The following MYH14 variants were observed in gnomAD, a reference collection of about 807,000 sequenced individuals.
The protein encoded by MYH14 is myosin heavy chain 14.
Under a neutral mutation model 255.5 loss-of-function variants are expected in MYH14, and 123 were observed. That is an observed-to-expected ratio of 0.48 (90% CI 0.42 to 0.56). The LOEUF is 0.56. Among genes scored for constraint, MYH14 ranks in the 20% least tolerant of loss-of-function variants. MYH14 has a pLI of 0.00. For synonymous variants in MYH14, 1,095 were observed against 1,161.2 expected (o/e 0.94, Z 1.16); for missense variants, 2,423 against 2,802.3 (o/e 0.86, Z 3.06).
chr19:50,211,400 C>T (rs2032188679), intron 2 of MYH14, among the ~76,000 whole-genome samples: 1 of 152,162 alleles, frequency 6.6e-6, no homozygotes, highest in South Asian at 2.1e-4. Flanking sequence ...TTAATTCATT[C>T]AATCTCACCA....
rs761025607 is a variant in MYH14, at chr19:50,286,623, G to A, written c.4681G>A (p.Glu1561Lys). The change falls in exon 34 of 43, where the codon GAG (glutamate) becomes AAG (lysine). Residue 1561 changes from glutamate to lysine, a missense_variant. Transcript: ENST00000642316. ...GGAGCAGGAGGCACGTGAGGAGCTG[G>A]AGCGGCAGAACCGGGCCCTGCGGGC... ...EEEQEAREEL[E>K]RQNRALRAEL... The A allele has an allele frequency of 1.4e-5, 23 of 1,600,098 alleles. No homozygotes were observed. The highest frequency in any genetic ancestry group is 2.3e-5 in the East Asian group (1 of 44,402).
Position 50,225,656 on chromosome 19 carries a change from G to T in MYH14, c.789G>T (p.Lys263Asn). ...CCTTTGGCAATGCCAAGACAGTGAAGAATGACAACTCCTCCCGATTCGTGA... is the reference window on the plus strand; with the variant it reads ...CCTTTGGCAATGCCAAGACAGTGAATAATGACAACTCCTCCCGATTCGTGA... ...LEAFGNAKTV[K>N]NDNSSRFGKF... The change falls in exon 7 of 43, where the codon AAG (lysine) becomes AAT (asparagine). Residue 263 changes from lysine (K) to asparagine (N), a missense_variant. Lys to Asn is a moderately conservative substitution (Grantham distance 94). This residue lies in a region of MYH14 where 672 missense variants were observed against 881.8 expected (regional missense o/e 0.76). Transcript: ENST00000642316. 2 of 1,613,918 alleles carry T rather than the reference G, an allele frequency of 1.2e-6. No individual in the cohort carries two copies. Among genetic ancestry groups the T allele is most frequent in the African/African-American group, 1.3e-5 (1 of 75,066 alleles).
In MYH14 at chr19:50,215,104, C is replaced by G. The variant is rs73060995; in HGVS notation, c.406-2511C>G. The stretch of plus-strand genomic sequence containing the variant: ...GGAGGGCTTCCCCAGCTGTCTCCCA[C>G]CCTGTGGGGGTGCACCAGCCTTTGT... On this transcript the variant is annotated intron_variant, in intron 2 of 42. Transcript: ENST00000642316. 7.0e-3 allele frequency among the ~76,000 whole-genome samples: 1,067 copies of G among 152,284 alleles called. 13 individuals carry two copies. Among genetic ancestry groups the G allele is most frequent in the Non-Finnish European group, 0.012 (802 of 68,010 alleles).
At position 50,276,365 on chromosome 19, in the gene MYH14, G is replaced by C. The variant is rs2035509130; in HGVS notation, c.3680+162G>C. 6.6e-6 allele frequency among the ~76,000 whole-genome samples: 1 copy of C among 152,172 alleles called. No individual in the cohort carries two copies. Among genetic ancestry groups the C allele is most frequent in the African/African-American group, 2.4e-5 (1 of 41,430 alleles). On this transcript the variant is annotated intron_variant, in intron 28 of 42. Transcript: ENST00000642316. The surrounding 1 kb of genome is among the most constrained non-coding windows in gnomAD (Gnocchi z 4.3). Reference sequence around the variant, plus strand: ...CCTGGGTCAAGCTGGGGACAGAGATGGGTCAGACCCAGGTGTTACCCTTGG... The same window carrying C: ...CCTGGGTCAAGCTGGGGACAGAGATCGGTCAGACCCAGGTGTTACCCTTGG...
chr19:50,298,438 C>T (rs889058792), intron 39 of MYH14, among the ~76,000 whole-genome samples: 1 of 151,930 alleles, frequency 6.6e-6, no homozygotes, highest in Admixed American at 6.6e-5. Context: ...AGTATATACG[C>T]AAAGCAATAT....
At position 50,275,914 on chromosome 19, in the gene MYH14, A is replaced by C. The variant is rs2035486346; in HGVS notation, c.3468-77A>C. 5 of 1,183,348 alleles carry C rather than the reference A, an allele frequency of 4.2e-6. No homozygotes were observed. In the Admixed American group the frequency reaches 8.8e-5, roughly 21 times the overall value. The allele number at this position is 1,183,348 out of a possible 1,614,324, so 73.3% of individuals were successfully genotyped here. Reference sequence around the variant, plus strand: ...CTGGCCACTCCCAAAGCCCACATCCAGCCTCTCAGTCCCCAGAAATCATTG... The same window carrying C: ...CTGGCCACTCCCAAAGCCCACATCCCGCCTCTCAGTCCCCAGAAATCATTG... On this transcript the variant is annotated intron_variant, in intron 27 of 42. Coordinates refer to ENST00000642316, the MANE Select transcript of MYH14 (RefSeq NM_001145809.2).
rs1329848646 is a variant in MYH14 at position 50,286,622 on chromosome 19, G to A, written c.4680G>A (p.Leu1560=). Residue 1560 remains leucine (L), a synonymous_variant, in exon 34 of 43, where the codon CTG becomes CTA. Coordinates refer to ENST00000642316, the MANE Select transcript of MYH14 (RefSeq NM_001145809.2). ...AGGAGCAGGAGGCACGTGAGGAGCT[G>A]GAGCGGCAGAACCGGGCCCTGCGGG... ...LEEEQEAREE[L]ERQNRALRAE... is the part of the protein sequence containing the mutation. 1.2e-6 allele frequency: 2 copies of A among 1,600,130 alleles called. No individual in the cohort carries two copies. The highest frequency in any genetic ancestry group is 2.3e-5 in the South Asian group (2 of 88,572).
chr19:50,250,785 C>T lies in MYH14; in HGVS notation c.1830+97C>T. 1 of 1,292,068 alleles carries T rather than the reference C, an allele frequency of 7.7e-7. No individual in the cohort carries two copies. 80.0% of individuals were successfully genotyped at this position (1,292,068 alleles called of 1,614,324 possible). A position where few individuals can be genotyped will look rare whatever the true frequency, so the allele number is the denominator to read the frequency against. On this transcript the variant is annotated intron_variant, in intron 15 of 42. Transcript: ENST00000642316. This position sits in a 1 kb window ranked among gnomAD's most constrained non-coding sequence, Gnocchi z 5.4. ...GGAGGGTGCAGAGGGAAAACAGGGT[C>T]CTCCTGAGGTCCAGACAAACAGAGC...
Position 50,281,607 on chromosome 19 carries a change from G to A in MYH14, c.4304G>A (p.Arg1435Gln), listed in dbSNP as rs776961595. ...TCCTCCCCTCAGCTTTCCGAGTGGC[G>A]GCGGCGCCAGGAGGAGGAGGCAGGG... ...QTAQAQLSEWRRRQEEEAGAL... is the reference protein window; with the variant it reads ...QTAQAQLSEWQRRQEEEAGAL... The change falls in exon 33 of 43, where the codon CGG becomes CAG. Residue 1435 changes from arginine (R) to glutamine (Q), a missense_variant. Arg to Gln is a conservative substitution (Grantham distance 43). Coordinates refer to ENST00000642316, the MANE Select transcript of MYH14 (RefSeq NM_001145809.2). 1.6e-5 allele frequency: 26 copies of A among 1,589,178 alleles called. No individual in the cohort carries two copies. The highest frequency in any genetic ancestry group is 2.1e-5 in the Non-Finnish European group (25 of 1,167,324).
chr19:50,224,032 T>TGGCCCCCC, intron 5 of MYH14, 122 bp from the exon 6 acceptor site: 1 of 610,326 alleles, frequency 1.6e-6, no homozygotes, highest in Non-Finnish European at 3.0e-6. Flanking sequence ...ATGCCCGGTT[T>TGGCCCCCC]CCCCAGTCCC....
In MYH14 at chr19:50,217,693, T is replaced by C; in HGVS notation, c.484T>C (p.Tyr162His). Residue 162 changes from tyrosine to histidine, a missense_variant, in exon 3 of 43, where the codon TAC becomes CAC. By Grantham distance (83) the Tyr-to-His change is moderately conservative (BLOSUM62 2). Around this residue, in one of 3 missense-constraint regions of MYH14, gnomAD observed 238 missense variants for 245.8 expected, o/e 0.97. Transcript: ENST00000642316. ...CTACACAGAAGCCATTGTGGAGATG[T>C]ACCGGGGCAAGAAGCGCCACGAGGT... ...PIYTEAIVEM[Y>H]RGKKRHEVPP... 6.2e-7 allele frequency: 1 copy of C among 1,613,952 alleles called. No homozygotes were observed. The highest frequency in any genetic ancestry group is 8.5e-7 in the Non-Finnish European group (1 of 1,179,888).
At chr19:50,278,812 TAA>T (rs10605117) in intron 30 of MYH14, among the ~76,000 whole-genome samples, 53,635 of 132,126 alleles carry the variant, frequency 0.41, 10,730 homozygotes, top group South Asian at 0.44. Flanking sequence ...CTGTCTCTAC[TAA>T]AAAAAAAAAA....
chr19:50,225,875 C>T (rs71355130), intron 7 of MYH14, among the ~76,000 whole-genome samples, 198 bp downstream of exon 7: 44 of 71,558 alleles, frequency 6.1e-4, no homozygotes, highest in South Asian at 1.2e-3. Flanking sequence ...GGCCTGGACT[C>T]TTGAGTCTGA....
At position 50,293,598 on chromosome 19, in the gene MYH14, G is replaced by A; in HGVS notation, c.5380G>A (p.Gly1794Arg). ...AILEEKRQLEGRLGQLEEELE... is the reference protein window; with the variant it reads ...AILEEKRQLERRLGQLEEELE... ...TCTGGAGGAGAAGCGTCAGCTGGAG[G>A]GGCGCCTGGGGCAGTTGGAGGAAGA... The change falls in exon 39 of 43, where the codon GGG becomes AGG. Residue 1794 changes from glycine (G) to arginine (R), a missense_variant. Gly to Arg is a moderately radical substitution (Grantham distance 125). Coordinates refer to ENST00000642316, the MANE Select transcript of MYH14 (RefSeq NM_001145809.2). The surrounding 1 kb of genome is among the most constrained non-coding windows in gnomAD (Gnocchi z 4.1). The A allele has an allele frequency of 1.2e-6, 2 of 1,613,060 alleles. No individual in the cohort carries two copies. The highest frequency in any genetic ancestry group is 1.7e-4 in the Middle Eastern group (1 of 5,944).
chr19:50,290,931 C>A lies in MYH14; in HGVS notation c.5010C>A (p.Arg1670=), dbSNP rs575715999. Residue 1670 remains arginine (R), a synonymous_variant, in exon 36 of 43, where the codon CGC becomes CGA. Coordinates refer to ENST00000642316, the MANE Select transcript of MYH14 (RefSeq NM_001145809.2). The part of the protein sequence containing the change: ...EVERDEERKQ[R]TLAVAARKKL... ...AGCGGGATGAGGAGCGGAAGCAGCG[C>A]ACTCTGGCCGTGGCTGCCCGCAAGA... 32 of 1,587,294 alleles carry A rather than the reference C, an allele frequency of 2.0e-5. No individual in the cohort carries two copies. The highest frequency in any genetic ancestry group is 2.6e-5 in the Non-Finnish European group (30 of 1,167,542).
intron 33 of MYH14, among the ~76,000 whole-genome samples, chr19:50,282,699 T>G (rs1018104465): frequency 1.3e-5 from 2 of 151,834 alleles, no homozygotes; most frequent in African/African-American, 4.8e-5. Context: ...CAAGACTCCA[T>G]CTCAAAAAAA....
chr19:50,292,821 G>C (rs956696367), intron 37 of MYH14, among the ~76,000 whole-genome samples: 8 of 151,778 alleles, frequency 5.3e-5, no homozygotes, highest in Non-Finnish European at 1.2e-4. Context: ...GAAAGAGAGA[G>C]AGAACCCTGA....
At chr19:50,209,901 C>T (rs2032065838) in intron 1 of MYH14, among the ~76,000 whole-genome samples, 1 of 151,186 alleles carries the variant, frequency 6.6e-6, no homozygotes, top group Non-Finnish European at 1.5e-5. Context: ...AGTTCGAGAC[C>T]AGCCTGGCCA....
intron 1 of MYH14, among the ~76,000 whole-genome samples, chr19:50,207,611 T>C (rs1291066883): frequency 6.6e-6 from 1 of 152,152 alleles, no homozygotes; most frequent in Non-Finnish European, 1.5e-5. Context: ...GAGAGTTGAA[T>C]GAATGGGTCC....
Sources: allele counts gnomAD v4.1 joint callset (sites outside exome capture counted in the v4.1 genomes callset), GRCh38; gene constraint gnomAD v4.1.1; regional missense constraint gnomAD v4.1.1; non-coding constraint Gnocchi (gnomAD v3.1); transcripts MANE v1.5; gene names NCBI Gene and HGNC (gene_info 2026-07-23, HGNC 2026-07-21).